The following MMRN2 variants were observed in gnomAD, a reference collection of about 807,000 sequenced individuals.
MMRN2 encodes the protein multimerin-2.
MMRN2 carries 53 observed loss-of-function variants against 68.8 expected under a neutral mutation model. The ratio of observed to expected loss-of-function variants is 0.77; its 90% CI spans 0.62 to 0.97. MMRN2 has a LOEUF of 0.97. Ranked by LOEUF, MMRN2 falls within the 50% of genes least tolerant of loss-of-function variation. The pLI is 0.00. For missense variants in MMRN2, 1,266 were observed against 1,259.5 expected, an observed-to-expected ratio of 1.01 and a Z score of -0.08; for synonymous variants, 564 against 551.6, an observed-to-expected ratio of 1.02 and a Z score of -0.32.
chr10:86,939,970 C>T (rs1279150450), intron 6 of MMRN2, among the ~76,000 whole-genome samples: 1 of 151,762 alleles, frequency 6.6e-6, no homozygotes, highest in African/African-American at 2.4e-5. Context: ...CCTGCCTCAG[C>T]CTTCCAGGTA....
chr10:86,945,384 T>C lies in MMRN2; in HGVS notation c.386A>G (p.Asn129Ser), dbSNP rs1298881627. Residue 129 changes from asparagine (N) to serine (S), a missense_variant, in exon 3 of 7, where the codon AAC becomes AGC. Coordinates refer to ENST00000372027, the MANE Select transcript of MMRN2 (RefSeq NM_024756.3). ...GGGAGCCCTACCGTGGTGCTCGCAG[T>C]TGGGGCCCGTGTAGCCAGGGCAGCA... ...WRCCPGYTGPNCEHHDSMAIP... is the reference protein window; with the variant it reads ...WRCCPGYTGPSCEHHDSMAIP... 2.5e-6 allele frequency: 4 copies of C among 1,589,810 alleles called. No homozygotes were observed. Among genetic ancestry groups the C allele is most frequent in the East Asian group, 2.3e-5 (1 of 44,082 alleles).
chr10:86,947,481 G>C (rs187062108), intron 1 of MMRN2, among the ~76,000 whole-genome samples: 1 of 151,952 alleles, frequency 6.6e-6, no homozygotes, highest in African/African-American at 2.4e-5. Flanking sequence ...GATTCTCCTT[G>C]CCTCAGCCTC....
intron 1 of MMRN2, among the ~76,000 whole-genome samples, chr10:86,946,598 C>T (rs913945214): frequency 6.6e-6 from 1 of 152,208 alleles, no homozygotes; most frequent in African/African-American, 2.4e-5. Flanking sequence ...GGGGGACACT[C>T]ATGCTGACAG....
intron 6 of MMRN2, among the ~76,000 whole-genome samples, chr10:86,939,354 C>A (rs1302899246): frequency 2.2e-5 from 3 of 134,866 alleles, no homozygotes; most frequent in Non-Finnish European, 4.7e-5. Flanking sequence ...CCTAGCTACT[C>A]GGGAGGCTGA....
chr10:86,951,680 A>G (rs1388963464), intron 1 of MMRN2, among the ~76,000 whole-genome samples: 2 of 150,574 alleles, frequency 1.3e-5, no homozygotes, highest in Non-Finnish European at 3.0e-5. Context: ...CTATGAGTAT[A>G]TATAACTAAT....
In MMRN2 at chr10:86,957,574, G is replaced by C; in HGVS notation, c.-33C>G. The C allele has an allele frequency of 6.4e-7, 1 of 1,564,076 alleles. No homozygotes were observed. Among genetic ancestry groups the C allele is most frequent in the Non-Finnish European group, 8.6e-7 (1 of 1,158,300 alleles). On this transcript the variant is annotated 5_prime_UTR_variant, in exon 1 of 7. Coordinates refer to ENST00000372027, the MANE Select transcript of MMRN2 (RefSeq NM_024756.3). The stretch of plus-strand genomic sequence containing the variant: ...GTGGGGCAGGCTCAGCTCACACTCA[G>C]CCTTGGCAAGTAGCTCCAGAAACTG...
In MMRN2 at chr10:86,942,900, T is replaced by A; in HGVS notation, c.1884A>T (p.Gly628=). 6.8e-7 allele frequency: 1 copy of A among 1,468,308 alleles called. No homozygotes were observed. Among genetic ancestry groups the A allele is most frequent in the Non-Finnish European group, 9.0e-7 (1 of 1,108,580 alleles). 91.0% of individuals were successfully genotyped at this position (1,468,308 alleles called of 1,614,324 possible). A position where few individuals can be genotyped will look rare whatever the true frequency, so the allele number is the denominator to read the frequency against. Residue 628 remains glycine, a synonymous_variant, in exon 6 of 7, where the codon GGA becomes GGT. Transcript: ENST00000372027. ...TCTGCTCGTAGCTCAGGGGCAGCGG[T>A]CCCGGCGTCTGCTCAGACATCTCCT... ...VLEEMSEQTP[G]PLPLSYEQIR... is the part of the protein sequence containing the mutation.
In MMRN2 at chr10:86,943,967, T is replaced by C. The variant is rs1386727152; in HGVS notation, c.817A>G (p.Ile273Val). 1.9e-6 allele frequency: 3 copies of C among 1,614,178 alleles called. No homozygotes were observed. In the South Asian group the frequency reaches 3.3e-5, roughly 18 times the overall value. The change falls in exon 6 of 7, where the codon ATC (isoleucine) becomes GTC (valine). Residue 273 changes from isoleucine (I) to valine (V), a missense_variant. Ile to Val is a conservative substitution (Grantham distance 29). Transcript: ENST00000372027. The surrounding 1 kb of genome is among the most constrained non-coding windows in gnomAD (Gnocchi z 4.2). ...SLDVEANRQA[I>V]SRVQDSAVAR... ...ACGGCACTGTCCTGGACTCTGGAGATGGCCTGGCGGTTGGCCTCCACGTCA... is the reference window on the plus strand; with the variant it reads ...ACGGCACTGTCCTGGACTCTGGAGACGGCCTGGCGGTTGGCCTCCACGTCA...
chr10:86,938,314 A>G (rs1051843320), intron 6 of MMRN2, among the ~76,000 whole-genome samples: 5 of 152,250 alleles, frequency 3.3e-5, no homozygotes, highest in African/African-American at 1.2e-4. Context: ...CTAGTAAATT[A>G]CCAAGCCTCC....
chr10:86,936,456 G>A lies in MMRN2; in HGVS notation c.*287C>T. 1 of 532,344 alleles carries A rather than the reference G, an allele frequency of 1.9e-6. No homozygotes were observed. The highest frequency in any genetic ancestry group is 3.3e-6 in the Non-Finnish European group (1 of 302,158). 33.0% of individuals were successfully genotyped at this position (532,344 alleles called of 1,614,324 possible). A position where few individuals can be genotyped will look rare whatever the true frequency, so the allele number is the denominator to read the frequency against. On this transcript the variant is annotated 3_prime_UTR_variant, in exon 7 of 7. Transcript: ENST00000372027. ...GAAGTTGTAGAATACAGGGTGTGGTGAAGAGTTGGAGCCCAGGCCGTGCTG... is the reference window on the plus strand; with the variant it reads ...GAAGTTGTAGAATACAGGGTGTGGTAAAGAGTTGGAGCCCAGGCCGTGCTG...
intron 1 of MMRN2, among the ~76,000 whole-genome samples, chr10:86,947,432 A>G (rs1844085376): frequency 6.6e-6 from 1 of 151,906 alleles, no homozygotes. Context: ...CAGTGGTGCA[A>G]TCTCGGCTTG....
chr10:86,948,575 G>A (rs1032049952), intron 1 of MMRN2: 1 of 152,118 alleles, frequency 6.6e-6, no homozygotes, highest in South Asian at 2.1e-4. Flanking sequence ...AAAGAGAAAA[G>A]AAAAATAGAC....
In MMRN2 at chr10:86,936,867, GT is replaced by G. The variant is rs769580843; in HGVS notation, c.2725del (p.Thr909ArgfsTer18). 1 of 1,614,192 alleles carries G rather than the reference GT, an allele frequency of 6.2e-7. No homozygotes were observed. The highest frequency in any genetic ancestry group is 1.1e-5 in the South Asian group (1 of 91,076). On this transcript the variant is annotated frameshift_variant, in exon 7 of 7. Transcript: ENST00000372027. LOFTEE classifies it low-confidence loss of function (END_TRUNC). The part of the protein sequence containing the change: ...TTGQGSGSTA[T>X]VFAMAELQKG... ...CTGCAGCTCAGCCATGGCAAAGACC[GT>G]TGCTGTGCTTCCACTCCCCTGCCCA... is the stretch of plus-strand genomic sequence containing the variant.
In MMRN2 at chr10:86,942,650, C is replaced by T. The variant is rs1256923297; in HGVS notation, c.2134G>A (p.Gly712Arg). 6 of 1,597,930 alleles carry T rather than the reference C, an allele frequency of 3.8e-6. No homozygotes were observed. Among genetic ancestry groups the T allele is most frequent in the Admixed American group, 1.7e-5 (1 of 59,836 alleles). Residue 712 changes from glycine (G) to arginine (R), a missense_variant, in exon 6 of 7, where the codon GGG becomes AGG. Coordinates refer to ENST00000372027, the MANE Select transcript of MMRN2 (RefSeq NM_024756.3). The stretch of plus-strand genomic sequence containing the variant: ...CCGGCCTCGGCCTCGCAGCACCGCC[C>T]GACATTCTTGACGTCGTTGCTCAGG... Reference protein sequence around the residue: ...QSLSNDVKNVGRCCEAEAGAG... With the variant: ...QSLSNDVKNVRRCCEAEAGAG...
intron 1 of MMRN2, among the ~76,000 whole-genome samples, chr10:86,952,050 A>G (rs992728550): frequency 6.6e-6 from 1 of 152,222 alleles, no homozygotes; most frequent in East Asian, 1.9e-4. Flanking sequence ...AAAGAAAAAA[A>G]GAAAGAACAT....
intron 1 of MMRN2, 34 bp from the exon 2 acceptor site, chr10:86,945,723 C>A: frequency 6.2e-7 from 1 of 1,613,234 alleles, no homozygotes; most frequent in Non-Finnish European, 8.5e-7. Flanking sequence ...GGCTGCTGAG[C>A]CACACCCAGG....
intron 1 of MMRN2, among the ~76,000 whole-genome samples, chr10:86,954,501 C>A (rs951439761): frequency 6.6e-6 from 1 of 151,986 alleles, no homozygotes; most frequent in African/African-American, 2.4e-5. Flanking sequence ...AGGGGGAGGG[C>A]GCATCCATTA....
In MMRN2 at chr10:86,942,704, G is replaced by C. The variant is rs750872707; in HGVS notation, c.2080C>G (p.Leu694Val). The C allele has an allele frequency of 2.6e-6, 4 of 1,518,872 alleles. No homozygotes were observed. Among genetic ancestry groups the C allele is most frequent in the Non-Finnish European group, 2.6e-6 (3 of 1,142,114 alleles). The allele number at this position is 1,518,872 out of a possible 1,614,324, so 94.1% of individuals were successfully genotyped here. ...TGGAGCTCCCGCGCCAGCCCGGCCAGGGCGGTGGTGGCGGCCTCCTCGCGG... is the reference window on the plus strand; with the variant it reads ...TGGAGCTCCCGCGCCAGCCCGGCCACGGCGGTGGTGGCGGCCTCCTCGCGG... ...AGREEAATTA[L>V]AGLARELQSL... Residue 694 changes from leucine (L) to valine (V), a missense_variant, in exon 6 of 7, where the codon CTG (leucine) becomes GTG (valine). Leu to Val is a conservative substitution (Grantham distance 32). Transcript: ENST00000372027.
At chr10:86,950,136 G>A (rs1226922237) in intron 1 of MMRN2, among the ~76,000 whole-genome samples, 1 of 152,052 alleles carries the variant, frequency 6.6e-6, no homozygotes, top group Non-Finnish European at 1.5e-5. Context: ...CACGACGTCA[G>A]GAGTTTGTGA....
Sources: allele counts gnomAD v4.1 joint callset (sites outside exome capture counted in the v4.1 genomes callset), GRCh38; gene constraint gnomAD v4.1.1; non-coding constraint Gnocchi (gnomAD v3.1); transcripts MANE v1.5; gene names NCBI Gene and HGNC (gene_info 2026-07-23, HGNC 2026-07-21).